ANK2: variants seen among roughly 807,000 people sequenced by gnomAD.
The protein encoded by ANK2 is ankyrin 2, also known as ankyrin-2.
Under a neutral mutation model 360.5 loss-of-function variants are expected in ANK2, and 83 were observed. The observed-to-expected ratio is 0.23, with a 90% CI of 0.19 to 0.28. The LOEUF is 0.28. ANK2 is among the 10% of genes least tolerant of loss of function. The pLI is 1.00. For missense variants in ANK2, 4,201 were observed against 4,795.7 expected (o/e 0.88, Z 3.66); for synonymous variants, 1,740 against 1,759.5 (o/e 0.99, Z 0.28).
rs748683803 is a variant in ANK2 at position 113,353,183 on chromosome 4, C to T, written c.4565C>T (p.Thr1522Ile). The T allele has an allele frequency of 2.5e-6, 4 of 1,614,034 alleles. No individual in the cohort carries two copies. The South Asian group carries it at 3.3e-5, about 13-fold the overall frequency. Residue 1522 changes from threonine (T) to isoleucine (I), a missense_variant, in exon 38 of 46, where the codon ACC becomes ATC. Physicochemically the swap from Thr to Ile is moderately conservative, Grantham distance 89 (BLOSUM62 -1). Coordinates refer to ENST00000357077, the MANE Select transcript of ANK2 (RefSeq NM_001148.6). The part of the protein sequence containing the change: ...QDLIKMTAIL[T>I]TDVSDKAGSI... ...TTGATCAAAATGACCGCCATCTTGA[C>T]CACAGATGTGTCTGATAAGGCAGGT...
chr4:112,962,855 A>G (rs1463772989), intron 2 of ANK2, among the ~76,000 whole-genome samples: 1 of 152,156 alleles, frequency 6.6e-6, no homozygotes, highest in Non-Finnish European at 1.5e-5. Context: ...AAATTTTGGT[A>G]TGGAGCCATT....
At chr4:112,951,637 A>G (rs1428554573) in intron 2 of ANK2, among the ~76,000 whole-genome samples, 2 of 150,740 alleles carry the variant, frequency 1.3e-5, no homozygotes, top group Non-Finnish European at 2.9e-5. Flanking sequence ...AGCTCTTTCT[A>G]AGGGTTTAAA....
chr4:112,738,654 C>T, the ANK2 span: 1 of 567,602 alleles, frequency 1.8e-6, no homozygotes, highest in Admixed American at 1.9e-5. Context: ...AGGTGGCAGC[C>T]ATCTCCTCCT....
the ANK2 span, among the ~76,000 whole-genome samples, chr4:112,755,523 G>A: frequency 2.6e-5 from 4 of 152,174 alleles, no homozygotes; most frequent in South Asian, 4.1e-4. Context: ...AACGTTTTGC[G>A]GGCAGGGGTG....
intron 9 of ANK2, among the ~76,000 whole-genome samples, chr4:113,249,103 A>G (rs2044622927): frequency 6.6e-6 from 1 of 152,198 alleles, no homozygotes; most frequent in African/African-American, 2.4e-5. Context: ...GCCATATTTT[A>G]TTTGATGGAG....
At chr4:112,795,547 A>G in the ANK2 span, among the ~76,000 whole-genome samples, 1 of 152,196 alleles carries the variant, frequency 6.6e-6, no homozygotes, top group Admixed American at 6.5e-5. Flanking sequence ...TCTGTCCCTC[A>G]GGCTGGAGTA....
upstream of ANK2, among the ~76,000 whole-genome samples, chr4:113,048,430 A>ATT (rs61689467): frequency 0.016 from 2,046 of 129,682 alleles, 52 homozygotes; most frequent in African/African-American, 0.04. Context: ...CACCTGGCTA[A>ATT]TTTTTTTTTT....
At chr4:113,142,952 A>G (rs943652477) in intron 1 of ANK2, among the ~76,000 whole-genome samples, 1 of 152,070 alleles carries the variant, frequency 6.6e-6, no homozygotes, top group African/African-American at 2.4e-5. Flanking sequence ...AAGAAATTAA[A>G]TATTTGTCAC....
intron 2 of ANK2, among the ~76,000 whole-genome samples, chr4:112,913,180 A>G (rs1344939162): frequency 2.0e-5 from 3 of 152,194 alleles, no homozygotes; most frequent in African/African-American, 7.2e-5. Flanking sequence ...TTATTTGATA[A>G]TAGCATAGTG....
intron 2 of ANK2, among the ~76,000 whole-genome samples, chr4:112,969,992 T>A (rs11945062): frequency 0.3 from 45,457 of 151,762 alleles, 6,961 homozygotes; most frequent in East Asian, 0.39. Flanking sequence ...TTTTATTATT[T>A]TTTTTTTTTG....
At chr4:112,805,496 G>T in the ANK2 span, among the ~76,000 whole-genome samples, 1 of 151,804 alleles carries the variant, frequency 6.6e-6, no homozygotes, top group African/African-American at 2.4e-5. Flanking sequence ...CTAGACAAGG[G>T]TTCATTTTTT....
rs529504379 is a variant in ANK2 at position 113,018,176 on chromosome 4, G to A, written c.21+113662G>A. On this transcript the variant is annotated intron_variant, in intron 2 of 30. Coordinates refer to the ANK2 transcript ENST00000503271. ...ACTGACAAACCACTGTTCTGTAGCC[G>A]GAGGCAACTGGCTGAAATTAATGAT... Among the ~76,000 whole-genome samples, 55 of 152,284 alleles carry A rather than the reference G, an allele frequency of 3.6e-4. 1 individual carries two copies. The highest frequency in any genetic ancestry group is 3.4e-3 in the Middle Eastern group (1 of 294).
At chr4:112,926,317 C>T (rs2092546176) in intron 2 of ANK2, among the ~76,000 whole-genome samples, 1 of 152,168 alleles carries the variant, frequency 6.6e-6, no homozygotes, top group African/African-American at 2.4e-5. Context: ...AGAGTCTACT[C>T]TTTAAAATTG....
chr4:113,163,764 C>CAAAAAAAAAAA (rs1158530849), intron 1 of ANK2, among the ~76,000 whole-genome samples: 29 of 55,042 alleles, frequency 5.3e-4, no homozygotes, highest in African/African-American at 7.9e-4. Context: ...AACTTCGTCT[C>CAAAAAAAAAAA]AAAAAAAAAA....
intron 1 of ANK2, among the ~76,000 whole-genome samples, chr4:112,835,724 G>T (rs1399058028): frequency 6.6e-6 from 1 of 152,096 alleles, no homozygotes; most frequent in Non-Finnish European, 1.5e-5. Flanking sequence ...CTATCAAAAT[G>T]CTTGGTAAAG....
chr4:112,884,674 C>A (rs1361302890), intron 1 of ANK2, among the ~76,000 whole-genome samples: 1 of 152,148 alleles, frequency 6.6e-6, no homozygotes, highest in Non-Finnish European at 1.5e-5. Context: ...AATCTAGCTG[C>A]TTTTAGTGTC....
In ANK2 at chr4:113,369,544, G is replaced by T. The variant is rs2154065885; in HGVS notation, c.11349G>T (p.Glu3783Asp). The T allele has an allele frequency of 6.2e-7, 1 of 1,614,072 alleles. No individual in the cohort carries two copies. The highest frequency in any genetic ancestry group is 8.5e-7 in the Non-Finnish European group (1 of 1,180,022). Residue 3783 changes from glutamate to aspartate, a missense_variant, in exon 43 of 46, where the codon GAG becomes GAT. Physicochemically the swap from Glu to Asp is conservative, Grantham distance 45. This residue lies in a region of ANK2 where 2,642 missense variants were observed against 2,714.5 expected (regional missense o/e 0.97). Coordinates refer to ENST00000357077, the MANE Select transcript of ANK2 (RefSeq NM_001148.6). ...FVTTPGTETS[E>D]TQKAMIVPSS... is the part of the protein sequence containing the mutation. ...CAACTCCAGGAACAGAAACATCAGAGACTCAGAAGGCTATGATAGTACCCA... is the reference window on the plus strand; with the variant it reads ...CAACTCCAGGAACAGAAACATCAGATACTCAGAAGGCTATGATAGTACCCA...
chr4:113,232,445 G>A (rs528881824), intron 5 of ANK2, among the ~76,000 whole-genome samples, 186 bp downstream of exon 5: 1 of 152,262 alleles, frequency 6.6e-6, no homozygotes, highest in African/African-American at 2.4e-5. Flanking sequence ...ATCAGTTTAT[G>A]CCTTCATTTT....
chr4:112,722,975 A>G, the ANK2 span, among the ~76,000 whole-genome samples: 2 of 152,076 alleles, frequency 1.3e-5, no homozygotes, highest in African/African-American at 4.8e-5. Context: ...AAGAAAAAGG[A>G]AAAGAAAAAA....
Sources: gnomAD v4.1 joint callset for allele counts (sites outside exome capture counted in the v4.1 genomes callset) on GRCh38, gnomAD v4.1.1 for gene constraint, gnomAD v4.1.1 regional missense constraint, MANE v1.5 for transcripts, NCBI Gene and HGNC (gene_info 2026-07-23, HGNC 2026-07-21) for gene names.